Variants in PPP2R2C observed in about 807,000 individuals in gnomAD.
PPP2R2C encodes the protein protein phosphatase 2, regulatory subunit B, gamma.
Under a neutral mutation model 45.3 loss-of-function variants are expected in PPP2R2C, and 10 were observed. That is an observed-to-expected ratio of 0.22 (90% CI 0.14 to 0.37). The LOEUF (loss-of-function observed/expected upper bound fraction) is 0.37, where lower values mean the gene tolerates loss of function less well. PPP2R2C is among the 10% of genes least tolerant of loss of function. The probability of loss-of-function intolerance (pLI) is 1.00; values close to 1 mark genes in which losing one functional copy is unlikely to be tolerated. For synonymous variants in PPP2R2C, 257 were observed against 245.4 expected, an observed-to-expected ratio of 1.05 and a Z score of -0.44; for missense variants, 308 against 619.7, an observed-to-expected ratio of 0.50 and a Z score of 5.34.
rs1190184264 is a variant in PPP2R2C, at chr4:6,510,998, C to CAAA, written c.49+24270_49+24272dup. 2.9e-3 allele frequency among the ~76,000 whole-genome samples: 225 copies of CAAA among 77,150 alleles called. 5 individuals are homozygous for CAAA. The highest frequency in any genetic ancestry group is 8.0e-3 in the African/African-American group (190 of 23,764). 50.6% of individuals were successfully genotyped at this position (77,150 alleles called of 152,430 possible). A position where few individuals can be genotyped will look rare whatever the true frequency, so the allele number is the denominator to read the frequency against. ...TCTCAAACAAAAAAAAACAAACAAACAAAAAAAAAAACAGAAAATGTTTGT... is the reference window on the plus strand; with the variant it reads ...TCTCAAACAAAAAAAAACAAACAAACAAAAAAAAAAAAAACAGAAAATGTTTGT... On this transcript the variant is annotated intron_variant, in intron 2 of 9. Transcript: ENST00000506140.
intron 2 of PPP2R2C, chr4:6,535,131 G>A: frequency 1.0e-6 from 1 of 992,914 alleles, no homozygotes; most frequent in Non-Finnish European, 1.5e-6. Context: ...AGGGGCCAGA[G>A]CAGGGGAGGG....
chr4:6,411,564 T>C (rs1718201508), intron 1 of PPP2R2C, among the ~76,000 whole-genome samples: 1 of 151,212 alleles, frequency 6.6e-6, no homozygotes, highest in Non-Finnish European at 1.5e-5. Context: ...CTTTTTTTTT[T>C]TTTTTTGAGA....
rs1228457458 is a variant in PPP2R2C at position 6,502,939 on chromosome 4, C to T, written c.49+32332G>A. Among the ~76,000 whole-genome samples the T allele has an allele frequency of 2.6e-5, 4 of 152,088 alleles. No individual in the cohort carries two copies. In the East Asian group the frequency reaches 7.7e-4, roughly 29 times the overall value. On this transcript the variant is annotated intron_variant, in intron 2 of 9. Transcript: ENST00000506140. ...GACCCGGCCGCTATTGCCACCTGCACCCCTCCCCTCTGCTATACTGCTGTC... is the reference window on the plus strand; with the variant it reads ...GACCCGGCCGCTATTGCCACCTGCATCCCTCCCCTCTGCTATACTGCTGTC...
intron 6 of PPP2R2C, among the ~76,000 whole-genome samples, chr4:6,338,483 A>G (rs556250938): frequency 6.6e-6 from 1 of 152,258 alleles, no homozygotes; most frequent in East Asian, 1.9e-4. Flanking sequence ...CCTGTGAATC[A>G]AAGGAAACAG....
chr4:6,500,920 C>A (rs1394722337), intron 2 of PPP2R2C, among the ~76,000 whole-genome samples: 1 of 152,192 alleles, frequency 6.6e-6, no homozygotes, highest in Non-Finnish European at 1.5e-5. Flanking sequence ...GGCTGCGAAG[C>A]CGTCGCACGG....
chr4:6,484,919 C>T (rs182929896), intron 2 of PPP2R2C, among the ~76,000 whole-genome samples: 204 of 151,810 alleles, frequency 1.3e-3, no homozygotes, highest in African/African-American at 4.6e-3. Context: ...CTTTTTTTCT[C>T]TTTCTTGCTT....
At chr4:6,490,281 G>A (rs1187512985) in intron 2 of PPP2R2C, among the ~76,000 whole-genome samples, 1 of 152,166 alleles carries the variant, frequency 6.6e-6, no homozygotes, top group Non-Finnish European at 1.5e-5. Flanking sequence ...GGACTGCAGG[G>A]AATGAACTCT....
At chr4:6,461,410 A>G (rs1211788804) in intron 1 of PPP2R2C, among the ~76,000 whole-genome samples, 3 of 152,124 alleles carry the variant, frequency 2.0e-5, no homozygotes, top group Non-Finnish European at 2.9e-5. Context: ...CAGGGACTAC[A>G]TTTCCTAGAG....
chr4:6,417,967 C>T (rs1718709632), intron 1 of PPP2R2C, among the ~76,000 whole-genome samples: 1 of 151,886 alleles, frequency 6.6e-6, no homozygotes, highest in Non-Finnish European at 1.5e-5. Flanking sequence ...CCCTCTGCCG[C>T]TGGGACAATG....
intron 3 of PPP2R2C, among the ~76,000 whole-genome samples, chr4:6,377,777 A>G (rs537375486): frequency 6.6e-6 from 1 of 152,284 alleles, no homozygotes. Context: ...ACCCAGGCCC[A>G]TGGTGAGCCA....
chr4:6,505,860 G>C (rs149257427), intron 2 of PPP2R2C, among the ~76,000 whole-genome samples: 174 of 152,290 alleles, frequency 1.1e-3, no homozygotes, highest in African/African-American at 3.8e-3. Context: ...CAGCTACTCA[G>C]GAGGCTGAGG....
At chr4:6,430,127 A>T (rs1719537438) in intron 1 of PPP2R2C, among the ~76,000 whole-genome samples, 1 of 152,116 alleles carries the variant, frequency 6.6e-6, no homozygotes, top group Non-Finnish European at 1.5e-5. Flanking sequence ...ACATGAATCC[A>T]TTTCCTCTTC....
chr4:6,454,753 T>G (rs1400096706), intron 1 of PPP2R2C, among the ~76,000 whole-genome samples: 1 of 152,172 alleles, frequency 6.6e-6, no homozygotes. Flanking sequence ...GTGGCCTTCG[T>G]CCTGGGACTC....
At chr4:6,453,654 G>A (rs1427909357) in intron 1 of PPP2R2C, among the ~76,000 whole-genome samples, 8 of 152,322 alleles carry the variant, frequency 5.3e-5, no homozygotes, top group Middle Eastern at 3.4e-3. Context: ...TCATAAAACT[G>A]CTTCTGCAAG....
At chr4:6,351,506 T>C (rs1712553169) in intron 5 of PPP2R2C, among the ~76,000 whole-genome samples, 1 of 151,990 alleles carries the variant, frequency 6.6e-6, no homozygotes, top group Non-Finnish European at 1.5e-5. Context: ...AGGGCCTGGC[T>C]TTGGGGAGAT....
chr4:6,323,523 G>A lies in PPP2R2C; in HGVS notation c.1123C>T (p.Leu375=). 6.2e-7 allele frequency: 1 copy of A among 1,602,788 alleles called. No homozygotes were observed. The highest frequency in any genetic ancestry group is 1.1e-5 in the South Asian group (1 of 90,720). Residue 375 remains leucine, a synonymous_variant, in exon 9 of 9, where the codon CTG becomes TTG. Transcript: ENST00000382599. ...FDRNTKRDVT[L]EASRESSKPR... ...TTGCTGCTTTCCCTCGAGGCCTCCA[G>A]GGTCACGTCCCGCTTGGTGTTCCGA... is the stretch of plus-strand genomic sequence containing the variant.
intron 5 of PPP2R2C, chr4:6,350,596 G>T (rs1326744692): frequency 1.0e-6 from 1 of 985,388 alleles, no homozygotes; most frequent in African/African-American, 1.7e-5. Context: ...GGCGCAGTGG[G>T]TGCAGGAGGA....
chr4:6,526,199 C>T (rs760591929), intron 2 of PPP2R2C, among the ~76,000 whole-genome samples: 8 of 152,246 alleles, frequency 5.3e-5, no homozygotes, highest in Non-Finnish European at 1.2e-4. Context: ...GACAAATGCA[C>T]ACACGTCTCC....
chr4:6,352,434 GCCTC>G (rs1042616695), intron 5 of PPP2R2C, among the ~76,000 whole-genome samples: 6 of 152,166 alleles, frequency 3.9e-5, no homozygotes, highest in Non-Finnish European at 8.8e-5. Context: ...TTCAGGACTG[GCCTC>G]CCTTGGGAAC....
Sources: allele counts gnomAD v4.1 joint callset (sites outside exome capture counted in the v4.1 genomes callset), GRCh38; gene constraint gnomAD v4.1.1; transcripts MANE v1.5; gene names NCBI Gene and HGNC (gene_info 2026-07-23, HGNC 2026-07-21).